The following MKI67 variants were observed in gnomAD, a reference collection of about 807,000 sequenced individuals.
MKI67 encodes proliferation marker protein Ki-67.
A neutral mutation model predicts 233.5 loss-of-function variants in MKI67; 152 were observed. The observed-to-expected ratio is 0.65, with a 90% CI of 0.57 to 0.74. The LOEUF (loss-of-function observed/expected upper bound fraction) is 0.74, where lower values mean the gene tolerates loss of function less well. MKI67 is among the 30% of genes least tolerant of loss of function. The pLI, the probability that MKI67 is intolerant of heterozygous loss-of-function variation, is 0.00. For synonymous variants in MKI67, 1,465 were observed against 1,418.5 expected (o/e 1.03, Z -0.74); for missense variants, 3,940 against 3,885.2 (o/e 1.01, Z -0.37).
chr10:128,107,478 G>T lies in MKI67; in HGVS notation c.4362C>A (p.His1454Gln). 1.2e-5 allele frequency: 20 copies of T among 1,613,206 alleles called. No homozygotes were observed. The highest frequency in any genetic ancestry group is 1.7e-5 in the Non-Finnish European group (20 of 1,179,904). ...PAASVTGSKR[H>Q]PKTKEKAQPL... ...GTTGGGCCTTTTCCTTAGTTTTTGGGTGCCTCTTGCTACCAGTTACACTTG... is the reference window on the plus strand; with the variant it reads ...GTTGGGCCTTTTCCTTAGTTTTTGGTTGCCTCTTGCTACCAGTTACACTTG... Residue 1454 changes from histidine to glutamine, a missense_variant, in exon 13 of 15, where the codon CAC (histidine) becomes CAA (glutamine). By Grantham distance (24) the His-to-Gln change is conservative. Coordinates refer to ENST00000368654, the MANE Select transcript of MKI67 (RefSeq NM_002417.5).
rs753428958 is a variant in MKI67 at position 128,106,668 on chromosome 10, C to T, written c.5172G>A (p.Lys1724=). The T allele has an allele frequency of 2.2e-5, 35 of 1,614,036 alleles. 1 individual carries two copies. Among genetic ancestry groups the T allele is most frequent in the African/African-American group, 4.0e-5 (3 of 74,902 alleles). The change falls in exon 13 of 15, where the codon AAG becomes AAA. Residue 1724 remains lysine, a synonymous_variant. Coordinates refer to ENST00000368654, the MANE Select transcript of MKI67 (RefSeq NM_002417.5). ...IELFQTPSHT[K]ESMTNEKTTK... ...TAGTTTTTTCGTTAGTCATTGATTC[C>T]TTAGTGTGACTTGGTGTCTGGAAGA...
intron 11 of MKI67, among the ~76,000 whole-genome samples, chr10:128,111,307 A>C (rs2136141165): frequency 6.6e-6 from 1 of 152,366 alleles, no homozygotes; most frequent in East Asian, 1.9e-4. Context: ...ACCTGGGATA[A>C]ACTATTATTG....
chr10:128,115,323 T>C lies in MKI67; in HGVS notation c.1085A>G (p.Lys362Arg), dbSNP rs1852777205. The C allele has an allele frequency of 5.6e-6, 9 of 1,614,164 alleles. No individual in the cohort carries two copies. Among genetic ancestry groups the C allele is most frequent in the Non-Finnish European group, 7.6e-6 (9 of 1,180,032 alleles). The part of the protein sequence containing the change: ...SQQQNSPQKH[K>R]NKDLYTTGRR... Reference sequence around the variant, plus strand: ...ACCAGTAGTATACAGGTCTTTGTTCTTATGTTTTTGTGGAGAATTTTGTTG... The same window carrying C: ...ACCAGTAGTATACAGGTCTTTGTTCCTATGTTTTTGTGGAGAATTTTGTTG... The change falls in exon 7 of 15, where the codon AAG becomes AGG. Residue 362 changes from lysine (K) to arginine (R), a missense_variant. Physicochemically the swap from Lys to Arg is conservative, Grantham distance 26 (BLOSUM62 2). Transcript: ENST00000368654.
intron 13 of MKI67, among the ~76,000 whole-genome samples, chr10:128,102,172 T>C (rs1852351162): frequency 6.6e-6 from 1 of 152,156 alleles, no homozygotes; most frequent in South Asian, 2.1e-4. Context: ...TTCTCAAGAA[T>C]ACACATTCCT....
In MKI67 at chr10:128,125,623, G is replaced by C. The variant is rs1373443517; in HGVS notation, c.45C>G (p.Val15=). ...RRLVTIKRSG[V]DGPHFPLSLS... ...GGCTCAGGGGAAAGTGGGGACCGTCGACCCCGCTCCTTTTGATAGTAACCA... is the reference window on the plus strand; with the variant it reads ...GGCTCAGGGGAAAGTGGGGACCGTCCACCCCGCTCCTTTTGATAGTAACCA... Residue 15 remains valine (V), a synonymous_variant, in exon 2 of 15, where the codon GTC becomes GTG. Coordinates refer to ENST00000368654, the MANE Select transcript of MKI67 (RefSeq NM_002417.5). The surrounding 1 kb of genome is among the most constrained non-coding windows in gnomAD (Gnocchi z 5.3). 1.2e-6 allele frequency: 2 copies of C among 1,613,588 alleles called. No individual in the cohort carries two copies. The highest frequency in any genetic ancestry group is 1.7e-6 in the Non-Finnish European group (2 of 1,179,852).
chr10:128,102,868 A>G lies in MKI67; in HGVS notation c.8972T>C (p.Leu2991Pro). 6.2e-7 allele frequency: 1 copy of G among 1,614,204 alleles called. No individual in the cohort carries two copies. Among genetic ancestry groups the G allele is most frequent in the Non-Finnish European group, 8.5e-7 (1 of 1,180,040 alleles). The change falls in exon 13 of 15, where the codon CTG (leucine) becomes CCG (proline). Residue 2991 changes from leucine to proline, a missense_variant. Physicochemically the swap from Leu to Pro is moderately conservative, Grantham distance 98. Transcript: ENST00000368654. ...TCCCCTCTTGAAGGGCAGTGGGGGC[A>G]GGGAAGTGTTGCTTTTGCTTTGTGA... The part of the protein sequence containing the change: ...VKSQSKSNTS[L>P]PPLPFKRGGG...
At chr10:128,110,208 GT>G (rs1250101324) in intron 12 of MKI67, among the ~76,000 whole-genome samples, 169 bp downstream of exon 12, 13 of 152,206 alleles carry the variant, frequency 8.5e-5, no homozygotes, top group African/African-American at 2.7e-4. Context: ...GCCAATGTTA[GT>G]TCAACTGCTG....
intron 14 of MKI67, among the ~76,000 whole-genome samples, chr10:128,099,697 A>G (rs1026224707): frequency 5.3e-5 from 8 of 152,234 alleles, no homozygotes; most frequent in African/African-American, 1.7e-4. Flanking sequence ...TTACTCTTGC[A>G]GTAGTTCTCA....
chr10:128,114,278 G>C (rs1852745947), intron 7 of MKI67, among the ~76,000 whole-genome samples: 1 of 152,132 alleles, frequency 6.6e-6, no homozygotes, highest in Non-Finnish European at 1.5e-5. Context: ...AAGCTCCCGA[G>C]GAGCTACCAC....
intron 2 of MKI67, among the ~76,000 whole-genome samples, chr10:128,124,817 G>A (rs551414034): frequency 6.6e-6 from 1 of 152,304 alleles, no homozygotes; most frequent in Admixed American, 6.5e-5. Flanking sequence ...CTTTCCCATT[G>A]TAAACTTCCA....
In MKI67 at chr10:128,110,392, G is replaced by A. The variant is rs756995311; in HGVS notation, c.2402C>T (p.Thr801Ile). The stretch of plus-strand genomic sequence containing the variant: ...AGGAAACCAACCAAAACTCTCTGAG[G>A]TGGGGAGCAGAGGTTCTTCTCCTGA... Reference protein sequence around the residue: ...TDSGEEPLLPTSESFGGNVFF... With the variant: ...TDSGEEPLLPISESFGGNVFF... The change falls in exon 12 of 15, where the codon ACC becomes ATC. Residue 801 changes from threonine to isoleucine, a missense_variant. Physicochemically the swap from Thr to Ile is moderately conservative, Grantham distance 89 (BLOSUM62 -1). Transcript: ENST00000368654. 6.4e-7 allele frequency: 1 copy of A among 1,567,210 alleles called. No individual in the cohort carries two copies. The highest frequency in any genetic ancestry group is 8.7e-7 in the Non-Finnish European group (1 of 1,144,972).
chr10:128,102,486 C>A, intron 13 of MKI67, 93 bp downstream of exon 13: 1 of 1,463,668 alleles, frequency 6.8e-7, no homozygotes, highest in Admixed American at 2.0e-5. Flanking sequence ...GAAAGGATAA[C>A]CACTTATAAC....
In MKI67 at chr10:128,104,812, T is replaced by A. The variant is rs757834010; in HGVS notation, c.7028A>T (p.Lys2343Ile). The A allele has an allele frequency of 6.2e-7, 1 of 1,609,288 alleles. No homozygotes were observed. Among genetic ancestry groups the A allele is most frequent in the Non-Finnish European group, 8.5e-7 (1 of 1,178,582 alleles). ...GTCCACTGGGTCTGGTTGTGGAGATTTGCAGGCTATTTTGGTAGTTTTCTC... is the reference window on the plus strand; with the variant it reads ...GTCCACTGGGTCTGGTTGTGGAGATATGCAGGCTATTTTGGTAGTTTTCTC... ...TDEKTTKIAC[K>I]SPQPDPVDTP... Residue 2343 changes from lysine (K) to isoleucine (I), a missense_variant, in exon 13 of 15, where the codon AAA becomes ATA. Physicochemically the swap from Lys to Ile is moderately radical, Grantham distance 102 (BLOSUM62 -3). Coordinates refer to ENST00000368654, the MANE Select transcript of MKI67 (RefSeq NM_002417.5).
intron 8 of MKI67, among the ~76,000 whole-genome samples, chr10:128,112,702 A>T (rs1852707556): frequency 6.6e-6 from 1 of 152,182 alleles, no homozygotes; most frequent in South Asian, 2.1e-4. Context: ...TCAGTGAAAG[A>T]CAAGCAGGGT....
chr10:128,097,280 C>T lies in MKI67; in HGVS notation c.*1910G>A, dbSNP rs1261274538. 2 of 152,156 alleles carry T rather than the reference C, an allele frequency of 1.3e-5. No individual in the cohort carries two copies. Among genetic ancestry groups the T allele is most frequent in the Non-Finnish European group, 2.9e-5 (2 of 68,018 alleles). 9.4% of individuals were successfully genotyped at this position (152,156 alleles called of 1,614,324 possible). A position where few individuals can be genotyped will look rare whatever the true frequency, so the allele number is the denominator to read the frequency against. Reference sequence around the variant, plus strand: ...TGGGCAGTATTTGTCAGATCTCTCCCTCCCCCAGTACCAAGGAGGGTTGTG... The same window carrying T: ...TGGGCAGTATTTGTCAGATCTCTCCTTCCCCCAGTACCAAGGAGGGTTGTG... On this transcript the variant is annotated 3_prime_UTR_variant, in exon 15 of 15. Coordinates refer to ENST00000368654, the MANE Select transcript of MKI67 (RefSeq NM_002417.5).
chr10:128,105,887 G>A lies in MKI67; in HGVS notation c.5953C>T (p.Gln1985Ter), dbSNP rs767712792. 1.2e-6 allele frequency: 2 copies of A among 1,613,984 alleles called. No homozygotes were observed. The highest frequency in any genetic ancestry group is 2.2e-5 in the South Asian group (2 of 91,072). Residue 1985 changes from glutamine (Q) to a stop codon, truncating the protein, a stop_gained, in exon 13 of 15, where the codon CAA (glutamine) becomes TAA (stop). Coordinates refer to ENST00000368654, the MANE Select transcript of MKI67 (RefSeq NM_002417.5). LOFTEE classifies it high-confidence loss of function. Reference protein sequence around the residue: ...KITEVSCKSPQPDPVKTPTSS... With the variant: ...KITEVSCKSP Reference sequence around the variant, plus strand: ...GTTGGGGTTTTGACTGGGTCTGGTTGTGGAGATTTGCAGGATACTTCTGTG... The same window carrying A: ...GTTGGGGTTTTGACTGGGTCTGGTTATGGAGATTTGCAGGATACTTCTGTG...
At chr10:128,118,550 T>G (rs372874361) in intron 5 of MKI67, among the ~76,000 whole-genome samples, 3 of 152,170 alleles carry the variant, frequency 2.0e-5, no homozygotes, top group Admixed American at 6.5e-5. Flanking sequence ...AGGAAAAATA[T>G]GAATTCTCAG....
chr10:128,117,217 G>A (rs79732221), intron 5 of MKI67, among the ~76,000 whole-genome samples: 9,380 of 152,234 alleles, frequency 0.062, 382 homozygotes, highest in Non-Finnish European at 0.094. Flanking sequence ...AACCCCCCAC[G>A]AGCTCAGAAC....
chr10:128,107,365 A>G lies in MKI67; in HGVS notation c.4475T>C (p.Ile1492Thr). ...TGGGTCTGGTTGTGATCTGCAGGCT[A>G]TTTTGGTAGTTTTCTCGTGAGTCGT... is the stretch of plus-strand genomic sequence containing the variant. ...KPTTHEKTTK[I>T]ACRSQPDPVD... is the part of the protein sequence containing the mutation. Residue 1492 changes from isoleucine to threonine, a missense_variant, in exon 13 of 15, where the codon ATA (isoleucine) becomes ACA (threonine). Physicochemically the swap from Ile to Thr is moderately conservative, Grantham distance 89. Transcript: ENST00000368654. The G allele has an allele frequency of 1.2e-6, 2 of 1,612,878 alleles. No homozygotes were observed. Among genetic ancestry groups the G allele is most frequent in the South Asian group, 1.1e-5 (1 of 91,022 alleles).
Sources: allele counts gnomAD v4.1 joint callset (sites outside exome capture counted in the v4.1 genomes callset), GRCh38; gene constraint gnomAD v4.1.1; non-coding constraint Gnocchi (gnomAD v3.1); transcripts MANE v1.5; gene names NCBI Gene and HGNC (gene_info 2026-07-23, HGNC 2026-07-21).